STXBP5L: variants seen among roughly 807,000 people sequenced by gnomAD.
The protein encoded by STXBP5L is syntaxin-binding protein 5-like.
Under a neutral mutation model 144.5 loss-of-function variants are expected in STXBP5L, and 65 were observed. The ratio of observed to expected loss-of-function variants is 0.45; its 90% CI spans 0.37 to 0.55. The LOEUF (loss-of-function observed/expected upper bound fraction) is 0.55, where lower values mean the gene tolerates loss of function less well. STXBP5L is among the 20% of genes least tolerant of loss of function. The probability of loss-of-function intolerance (pLI) is 0.00; values close to 1 mark genes in which losing one functional copy is unlikely to be tolerated. For synonymous variants in STXBP5L, 505 were observed against 469.6 expected (o/e 1.08, Z -0.97); for missense variants, 1,298 against 1,405.5 (o/e 0.92, Z 1.22).
At chr3:121,325,256 C>A (rs533704208) in intron 20 of STXBP5L, among the ~76,000 whole-genome samples, 1 of 152,016 alleles carries the variant, frequency 6.6e-6, no homozygotes. Flanking sequence ...GTTCTAGTCC[C>A]CAAATAAAGT....
chr3:121,047,090 G>A (rs1311983784), intron 5 of STXBP5L, among the ~76,000 whole-genome samples: 1 of 152,028 alleles, frequency 6.6e-6, no homozygotes, highest in Non-Finnish European at 1.5e-5. Context: ...CTTGATGTCT[G>A]CCATAATTTC....
chr3:121,257,379 T>C (rs2050242192), intron 17 of STXBP5L, 46 bp downstream of exon 17: 2 of 1,509,040 alleles, frequency 1.3e-6, no homozygotes, highest in Non-Finnish European at 1.8e-6. Flanking sequence ...ATATTAATCA[T>C]ATGTCTTTGA....
At chr3:121,008,317 T>C (rs1253797495) in intron 3 of STXBP5L, among the ~76,000 whole-genome samples, 1 of 151,998 alleles carries the variant, frequency 6.6e-6, no homozygotes, top group Non-Finnish European at 1.5e-5. Flanking sequence ...GGTTCTAAAG[T>C]ATCCAAGTGG....
At chr3:121,217,525 A>G (rs2048821255) in intron 10 of STXBP5L, among the ~76,000 whole-genome samples, 1 of 152,032 alleles carries the variant, frequency 6.6e-6, no homozygotes, top group Admixed American at 6.6e-5. Context: ...CTGTCTAATC[A>G]TTCCCAGTTC....
At chr3:121,274,824 G>A (rs147069337) in intron 18 of STXBP5L, among the ~76,000 whole-genome samples, 180 of 152,252 alleles carry the variant, frequency 1.2e-3, no homozygotes, top group African/African-American at 4.2e-3. Context: ...ATGGAACATA[G>A]CAGTAACGTG....
At chr3:121,004,013 G>T (rs1399884845) in intron 3 of STXBP5L, among the ~76,000 whole-genome samples, 4 of 152,034 alleles carry the variant, frequency 2.6e-5, no homozygotes, top group East Asian at 3.9e-4. Flanking sequence ...TTTTGGCTTA[G>T]GATTGACTTG....
intron 3 of STXBP5L, among the ~76,000 whole-genome samples, chr3:120,998,726 A>T (rs1256764394): frequency 6.6e-6 from 1 of 152,210 alleles, no homozygotes; most frequent in Non-Finnish European, 1.5e-5. Context: ...CACCAAAAAC[A>T]TCCAAGCTGA....
chr3:120,962,170 A>T (rs1398244492), intron 3 of STXBP5L, among the ~76,000 whole-genome samples: 1 of 152,002 alleles, frequency 6.6e-6, no homozygotes, highest in Non-Finnish European at 1.5e-5. Context: ...TAGATTCTGG[A>T]TATTAGCCCT....
At position 121,366,170 on chromosome 3, in the gene STXBP5L, A is replaced by T. The variant is rs577202530; in HGVS notation, c.2177-12546A>T. Among the ~76,000 whole-genome samples, 3 of 152,086 alleles carry T rather than the reference A, an allele frequency of 2.0e-5. No homozygotes were observed. The South Asian group carries it at 6.2e-4, about 32-fold the overall frequency. On this transcript the variant is annotated intron_variant, in intron 20 of 26. Transcript: ENST00000471454. ...TTTTAAGTCTATCAAGACTTCAATT[A>T]TGGTCTTACATATGGCCTATCCTGG...
At chr3:121,093,640 G>A (rs58144930) in intron 5 of STXBP5L, among the ~76,000 whole-genome samples, 2,931 of 152,058 alleles carry the variant, frequency 0.019, 104 homozygotes, top group African/African-American at 0.067. Context: ...ATTTTTTCTT[G>A]CTTCTATTTG....
At chr3:120,987,610 G>A (rs187532055) in intron 3 of STXBP5L, among the ~76,000 whole-genome samples, 5 of 151,742 alleles carry the variant, frequency 3.3e-5, no homozygotes, top group East Asian at 3.9e-4. Flanking sequence ...CACAGAGGAC[G>A]GCTTATCAGT....
intron 7 of STXBP5L, among the ~76,000 whole-genome samples, chr3:121,139,757 G>C (rs1463470269): frequency 6.6e-6 from 1 of 152,024 alleles, no homozygotes; most frequent in African/African-American, 2.4e-5. Flanking sequence ...CTTGAAGAGG[G>C]AGGACAATGC....
intron 3 of STXBP5L, among the ~76,000 whole-genome samples, chr3:120,993,422 C>A (rs1275008881): frequency 6.6e-6 from 1 of 151,926 alleles, no homozygotes; most frequent in Non-Finnish European, 1.5e-5. Context: ...ATGTTTTCTT[C>A]TAGTATTTTC....
At chr3:121,089,344 C>A (rs1359399579) in intron 5 of STXBP5L, among the ~76,000 whole-genome samples, 1 of 150,984 alleles carries the variant, frequency 6.6e-6, no homozygotes, top group Admixed American at 6.6e-5. Flanking sequence ...TTCTTCATAC[C>A]TGAGGGATAA....
rs146983028 is a variant in STXBP5L at position 121,246,942 on chromosome 3, C to T, written c.1401-3781C>T. Among the ~76,000 whole-genome samples the T allele has an allele frequency of 1.8e-3, 281 of 152,214 alleles. 1 individual carries two copies. Among genetic ancestry groups the T allele is most frequent in the African/African-American group, 6.4e-3 (267 of 41,524 alleles). ...CTACTAGGGATGAGAAAGAGGGTTG[C>T]AAATTGCCATGAGGTAACTTTTTGG... On this transcript the variant is annotated intron_variant, in intron 14 of 26. Transcript: ENST00000471454.
rs370250946 is a variant in STXBP5L, at chr3:121,050,680, C to T, written c.470+5145C>T. Reference sequence around the variant, plus strand: ...GCTAGGAAGAAACTGCATCAACTAACGAGCAAAATAACCAGCTAACATCAT... The same window carrying T: ...GCTAGGAAGAAACTGCATCAACTAATGAGCAAAATAACCAGCTAACATCAT... On this transcript the variant is annotated intron_variant, in intron 5 of 26. Transcript: ENST00000471454. Among the ~76,000 whole-genome samples, 632 of 152,170 alleles carry T rather than the reference C, an allele frequency of 4.2e-3. 2 individuals carry two copies. The highest frequency in any genetic ancestry group is 9.2e-3 in the African/African-American group (381 of 41,540).
intron 3 of STXBP5L, among the ~76,000 whole-genome samples, chr3:121,019,141 A>G (rs1034106000): frequency 6.6e-6 from 1 of 152,262 alleles, no homozygotes; most frequent in South Asian, 2.1e-4. Context: ...GATGCAGCAG[A>G]GGCAGCCGTA....
In STXBP5L at chr3:121,341,282, C is replaced by T. The variant is rs138869935; in HGVS notation, c.2176+22742C>T. On this transcript the variant is annotated intron_variant, in intron 20 of 26. Transcript: ENST00000471454. ...TGCTCAACAAGCACATAAAGGTGCT[C>T]GACATCCTTGATCTTCAGAGAAATG... 7.9e-5 allele frequency among the ~76,000 whole-genome samples: 12 copies of T among 152,170 alleles called. No individual in the cohort carries two copies. The East Asian group carries it at 2.1e-3, about 27-fold the overall frequency.
At position 121,273,587 on chromosome 3, in the gene STXBP5L, T is replaced by C. The variant is rs149876291; in HGVS notation, c.1959-6218T>C. On this transcript the variant is annotated intron_variant, in intron 18 of 26. Transcript: ENST00000471454. ...AGTTTTCAACCATTATTTCTTTAAA[T>C]GTACTCTCTGTCCCTTTCTCTCTCT... 2.2e-3 allele frequency among the ~76,000 whole-genome samples: 338 copies of C among 152,268 alleles called. 2 individuals are homozygous for C. The highest frequency in any genetic ancestry group is 0.01 in the Middle Eastern group (3 of 294).
Sources: gnomAD v4.1 joint callset for allele counts (sites outside exome capture counted in the v4.1 genomes callset) on GRCh38, gnomAD v4.1.1 for gene constraint, MANE v1.5 for transcripts, NCBI Gene and HGNC (gene_info 2026-07-23, HGNC 2026-07-21) for gene names.